Variants in MPHOSPH8 observed in about 807,000 individuals in gnomAD.
The protein encoded by MPHOSPH8 is M-phase phosphoprotein 8, also known as M-phase phosphoprotein, mpp.
In MPHOSPH8, 45 loss-of-function variants were observed where a neutral mutation model predicts 87.3. The ratio of observed to expected loss-of-function variants is 0.52; its 90% CI spans 0.41 to 0.66. The LOEUF (loss-of-function observed/expected upper bound fraction) is 0.66, where lower values mean the gene tolerates loss of function less well. Ranked by LOEUF, MPHOSPH8 falls within the 30% of genes least tolerant of loss-of-function variation. MPHOSPH8 has a pLI of 0.00. For missense variants in MPHOSPH8, 883 were observed against 1,020.2 expected, an observed-to-expected ratio of 0.87 and a Z score of 1.83; for synonymous variants, 366 against 376.9, an observed-to-expected ratio of 0.97 and a Z score of 0.33.
chr13:19,668,318 C>G, intron 10 of MPHOSPH8, 59 bp from the exon 11 acceptor site: 1 of 1,512,110 alleles, frequency 6.6e-7, no homozygotes, highest in African/African-American at 1.4e-5. Flanking sequence ...CACTGGTATT[C>G]GACAGGCTTG....
In MPHOSPH8 at chr13:19,649,315, A is replaced by G. The variant is rs1236655823; in HGVS notation, c.1319-688A>G. On this transcript the variant is annotated intron_variant, in intron 4 of 13. Transcript: ENST00000361479. ...TATCTTGTATGTCAGTTTCAGATAC[A>G]TTTTTACTGTGAACATACAGCCTTA... Among the ~76,000 whole-genome samples, 6 of 152,190 alleles carry G rather than the reference A, an allele frequency of 3.9e-5. No individual in the cohort carries two copies. The South Asian group carries it at 1.0e-3, about 26-fold the overall frequency.
intron 5 of MPHOSPH8, among the ~76,000 whole-genome samples, chr13:19,657,685 G>C (rs781699022): frequency 2.0e-5 from 3 of 152,196 alleles, no homozygotes; most frequent in Non-Finnish European, 2.9e-5. Context: ...CTGAGCTGCA[G>C]CTCAGCCTTT....
At chr13:19,658,631 T>C (rs1386521218) in intron 5 of MPHOSPH8, among the ~76,000 whole-genome samples, 3 of 152,226 alleles carry the variant, frequency 2.0e-5, no homozygotes, top group Admixed American at 6.5e-5. Context: ...AAGCAGTGTA[T>C]GTCCAAGAAG....
rs377581497 is a variant in MPHOSPH8, at chr13:19,669,178, T to C, written c.2329+647T>C. ...GTAATATCTTAGTGTTGAGAGAACT[T>C]ATCAGGTGGTTGCTGTTGTTTTGAG... is the stretch of plus-strand genomic sequence containing the variant. On this transcript the variant is annotated intron_variant, in intron 11 of 13. Transcript: ENST00000361479. 1.9e-4 allele frequency among the ~76,000 whole-genome samples: 29 copies of C among 152,260 alleles called. 1 individual carries two copies. The South Asian group carries it at 5.8e-3, about 30-fold the overall frequency.
Position 19,671,949 on chromosome 13 carries a change from T to C in MPHOSPH8, c.*74T>C. 1 of 1,456,942 alleles carries C rather than the reference T, an allele frequency of 6.9e-7. No individual in the cohort carries two copies. The highest frequency in any genetic ancestry group is 9.6e-7 in the Non-Finnish European group (1 of 1,039,540). 90.3% of individuals were successfully genotyped at this position (1,456,942 alleles called of 1,614,324 possible). A position where few individuals can be genotyped will look rare whatever the true frequency, so the allele number is the denominator to read the frequency against. Reference sequence around the variant, plus strand: ...TCTCTTTGACAGCAGTTTGGAATTCTTCTAGCACATCTATGTAAAGTTTTG... The same window carrying C: ...TCTCTTTGACAGCAGTTTGGAATTCCTCTAGCACATCTATGTAAAGTTTTG... On this transcript the variant is annotated 3_prime_UTR_variant, in exon 14 of 14. Coordinates refer to ENST00000361479, the MANE Select transcript of MPHOSPH8 (RefSeq NM_017520.4).
intron 8 of MPHOSPH8, among the ~76,000 whole-genome samples, chr13:19,662,228 C>G (rs771866841): frequency 2.0e-5 from 3 of 152,116 alleles, no homozygotes; most frequent in South Asian, 2.1e-4. Context: ...CGTGAGCCAC[C>G]GCGCCTGGCT....
chr13:19,650,407 AT>A, intron 5 of MPHOSPH8, 147 bp downstream of exon 5: 1 of 921,850 alleles, frequency 1.1e-6, no homozygotes, highest in Non-Finnish European at 1.6e-6. Flanking sequence ...AACATTTTAT[AT>A]TGAAGACGGG....
intron 3 of MPHOSPH8, among the ~76,000 whole-genome samples, chr13:19,648,192 G>T (rs1874667846): frequency 6.6e-6 from 1 of 151,512 alleles, no homozygotes; most frequent in African/African-American, 2.4e-5. Flanking sequence ...CCTAAAAGAG[G>T]GTTGGAAAAC....
intron 2 of MPHOSPH8, among the ~76,000 whole-genome samples, chr13:19,644,829 T>C (rs1177639894): frequency 6.6e-6 from 1 of 152,230 alleles, no homozygotes; most frequent in Non-Finnish European, 1.5e-5. Context: ...TGATGACCAG[T>C]TGAGTTTATT....
Position 19,671,836 on chromosome 13 carries a change from TAA to T in MPHOSPH8, c.2545_2546del (p.Lys849ValfsTer43). The T allele has an allele frequency of 6.2e-7, 1 of 1,614,148 alleles. No individual in the cohort carries two copies. Among genetic ancestry groups the T allele is most frequent in the Non-Finnish European group, 8.5e-7 (1 of 1,179,986 alleles). On this transcript the variant is annotated frameshift_variant, in exon 14 of 14. Transcript: ENST00000361479. LOFTEE classifies it high-confidence loss of function. ...CCTGCGTTCTTTTCTTTCAACAGGT[TAA>T]GTTGCTAATAGGTGCATACAGAGTG... is the stretch of plus-strand genomic sequence containing the variant. ...RLTEAPSAKVKLLIGAYRVQL... is the reference protein window; with the variant it reads ...RLTEAPSAKVXLLIGAYRVQL...
intron 9 of MPHOSPH8, among the ~76,000 whole-genome samples, chr13:19,663,504 C>G (rs959635963): frequency 6.6e-6 from 1 of 152,172 alleles, no homozygotes; most frequent in Non-Finnish European, 1.5e-5. Context: ...CTGCTGGCCT[C>G]GAAAGTGCAG....
Position 19,672,780 on chromosome 13 carries a change from C to A in MPHOSPH8, c.*905C>A. ...TGTAGTAAGAATGTAAACCAGTACA[C>A]TATGAGACCTAAAAGAGAGTATTAA... On this transcript the variant is annotated 3_prime_UTR_variant, in exon 14 of 14. Coordinates refer to ENST00000361479, the MANE Select transcript of MPHOSPH8 (RefSeq NM_017520.4). The A allele has an allele frequency of 4.4e-6, 1 of 228,040 alleles. No individual in the cohort carries two copies. 14.1% of individuals were successfully genotyped at this position (228,040 alleles called of 1,614,324 possible). A position where few individuals can be genotyped will look rare whatever the true frequency, so the allele number is the denominator to read the frequency against.
chr13:19,638,327 T>G (rs1874109117), intron 1 of MPHOSPH8, among the ~76,000 whole-genome samples: 1 of 151,850 alleles, frequency 6.6e-6, no homozygotes, highest in African/African-American at 2.4e-5. Context: ...AAAGTTAAGA[T>G]TTTGAGGCTG....
At chr13:19,645,037 A>G (rs552481373) in intron 2 of MPHOSPH8, among the ~76,000 whole-genome samples, 1 of 152,238 alleles carries the variant, frequency 6.6e-6, no homozygotes, top group Admixed American at 6.5e-5. Flanking sequence ...ATCTAATCCT[A>G]GCAGTTTTTC....
At chr13:19,634,700 A>G (rs537523898) in intron 1 of MPHOSPH8, among the ~76,000 whole-genome samples, 10 of 152,204 alleles carry the variant, frequency 6.6e-5, no homozygotes, top group East Asian at 1.9e-4. Context: ...TACTTTTTGT[A>G]TTGACCTCTA....
chr13:19,644,364 C>T (rs913055659), intron 2 of MPHOSPH8, among the ~76,000 whole-genome samples: 1 of 152,150 alleles, frequency 6.6e-6, no homozygotes, highest in African/African-American at 2.4e-5. Context: ...CATAATATTC[C>T]TTTAATATGT....
chr13:19,671,207 ACAGT>A lies in MPHOSPH8; in HGVS notation c.2462_2465del (p.Ser821IlefsTer17), dbSNP rs776137039. 2 of 1,613,580 alleles carry A rather than the reference ACAGT, an allele frequency of 1.2e-6. No homozygotes were observed. The highest frequency in any genetic ancestry group is 8.5e-7 in the Non-Finnish European group (1 of 1,179,950). On this transcript the variant is annotated frameshift_variant and splice_region_variant, in exon 13 of 14. Transcript: ENST00000361479. LOFTEE classifies it high-confidence loss of function. ...TTTTTTTTTCTCTTTCCATTGTAGG[ACAGT>A]CATTTTGTTTACTCATTCAGCCCTG...
At position 19,659,788 on chromosome 13, in the gene MPHOSPH8, G is replaced by A. The variant is rs546971630; in HGVS notation, c.1791+499G>A. The A allele has an allele frequency of 4.4e-4, 123 of 280,082 alleles. 1 individual carries two copies. Among genetic ancestry groups the A allele is most frequent in the South Asian group, 4.1e-3 (120 of 29,156 alleles). The allele number at this position is 280,082 out of a possible 1,614,324, so 17.3% of individuals were successfully genotyped here. On this transcript the variant is annotated intron_variant, in intron 7 of 13. Transcript: ENST00000361479. ...CCTCTAAAAGTGATGGTTTGGTTTGGTTATGGTCTACCTGTTTTGTATGTG... is the reference window on the plus strand; with the variant it reads ...CCTCTAAAAGTGATGGTTTGGTTTGATTATGGTCTACCTGTTTTGTATGTG...
chr13:19,658,820 ATTAC>A (rs1400544836), intron 5 of MPHOSPH8, among the ~76,000 whole-genome samples, 171 bp from the exon 6 acceptor site: 1 of 152,202 alleles, frequency 6.6e-6, no homozygotes, highest in Non-Finnish European at 1.5e-5. Context: ...GATCGTTCAT[ATTAC>A]TTCCCAAAGA....
Sources: gnomAD v4.1 joint callset for allele counts (sites outside exome capture counted in the v4.1 genomes callset) on GRCh38, gnomAD v4.1.1 for gene constraint, MANE v1.5 for transcripts, NCBI Gene and HGNC (gene_info 2026-07-23, HGNC 2026-07-21) for gene names.